Variants in GSDME observed in about 807,000 individuals in gnomAD.
GSDME encodes the protein gasdermin-E.
In GSDME, 44 loss-of-function variants were observed where a neutral mutation model predicts 47.5. The ratio of observed to expected loss-of-function variants is 0.93; its 90% CI spans 0.73 to 1.19. GSDME has a LOEUF of 1.19. Among genes scored for constraint, GSDME ranks in the 50% most tolerant of loss-of-function variants. GSDME has a pLI of 0.00. For synonymous variants in GSDME, 258 were observed against 252.8 expected (o/e 1.02, Z -0.20); for missense variants, 663 against 604.2 (o/e 1.10, Z -1.02).
At chr7:24,789,480 G>C in the GSDME span, among the ~76,000 whole-genome samples, 4 of 152,192 alleles carry the variant, frequency 2.6e-5, no homozygotes, top group South Asian at 4.1e-4. Context: ...AAGCAAGCAA[G>C]GGGTACATGA....
At chr7:24,701,888 C>T (rs1286889631) in intron 9 of GSDME, among the ~76,000 whole-genome samples, 1 of 152,180 alleles carries the variant, frequency 6.6e-6, no homozygotes, top group Non-Finnish European at 1.5e-5. Context: ...ACAAAGGCAC[C>T]AACCACATTA....
chr7:24,722,927 G>A (rs947720379), intron 3 of GSDME, among the ~76,000 whole-genome samples: 86 of 152,326 alleles, frequency 5.6e-4, no homozygotes, highest in African/African-American at 2.0e-3. Flanking sequence ...CGCAGGAACA[G>A]AAGCTCGCCC....
intron 3 of GSDME, among the ~76,000 whole-genome samples, chr7:24,722,368 A>G (rs1230444571): frequency 6.6e-6 from 1 of 152,248 alleles, no homozygotes; most frequent in African/African-American, 2.4e-5. Flanking sequence ...AAGGGATTGC[A>G]TGTCTTGGTC....
At position 24,748,159 on chromosome 7, in the gene GSDME, TATA is replaced by T. The variant is rs1374783824; in HGVS notation, c.211+1402_211+1404del. Among the ~76,000 whole-genome samples, 710 of 118,468 alleles carry T rather than the reference TATA, an allele frequency of 6.0e-3. 5 individuals are homozygous for T. The highest frequency in any genetic ancestry group is 0.022 in the African/African-American group (640 of 28,964). The allele number at this position is 118,468 out of a possible 152,430, so 77.7% of individuals were successfully genotyped here. A position where few individuals can be genotyped will look rare whatever the true frequency, so the allele number is the denominator to read the frequency against. On this transcript the variant is annotated intron_variant, in intron 2 of 9. Transcript: ENST00000645220. ...ATTATATAGAGTATATATATATATATATATATATATTTTTTTTTGAGATGGAAT... is the reference window on the plus strand; with the variant it reads ...ATTATATAGAGTATATATATATATATTATATATTTTTTTTTGAGATGGAAT...
At chr7:24,788,595 G>A in the GSDME span, among the ~76,000 whole-genome samples, 1 of 152,156 alleles carries the variant, frequency 6.6e-6, no homozygotes, top group Admixed American at 6.5e-5. The surrounding 1 kb of genome is among the most constrained non-coding windows in gnomAD (Gnocchi z 4.6). Context: ...TCATCTAAGG[G>A]GACAGTGATG....
chr7:24,710,220 A>G lies in GSDME; in HGVS notation c.862+4T>C. On this transcript the variant is annotated splice_donor_region_variant and intron_variant, in intron 6 of 9. Transcript: ENST00000645220. ...GCCCACTACTCCTGCCCTGCTGGCA[A>G]TACCTTGCTTTAAAACACTTAATGG... The G allele has an allele frequency of 6.2e-7, 1 of 1,613,562 alleles. No homozygotes were observed.
chr7:24,768,396 T>A, the GSDME span, among the ~76,000 whole-genome samples: 1 of 152,098 alleles, frequency 6.6e-6, no homozygotes, highest in Non-Finnish European at 1.5e-5. This position sits in a 1 kb window ranked among gnomAD's most constrained non-coding sequence, Gnocchi z 5.6. Context: ...GGAACTGAGA[T>A]TGTAAAGATC....
chr7:24,759,436 AG>A (rs1584118549), upstream of GSDME, among the ~76,000 whole-genome samples: 1 of 152,012 alleles, frequency 6.6e-6, no homozygotes, highest in African/African-American at 2.4e-5. Context: ...TAAATGCCCG[AG>A]GAAGATAGTA....
the GSDME span, among the ~76,000 whole-genome samples, chr7:24,789,894 T>C: frequency 2.0e-5 from 3 of 152,238 alleles, no homozygotes; most frequent in East Asian, 5.8e-4. Flanking sequence ...ATGAAGGTTT[T>C]TTATCATTTG....
chr7:24,758,593 A>G (rs1791111332), upstream of GSDME, among the ~76,000 whole-genome samples: 1 of 152,194 alleles, frequency 6.6e-6, no homozygotes, highest in Admixed American at 6.5e-5. This position sits in a 1 kb window ranked among gnomAD's most constrained non-coding sequence, Gnocchi z 4.6. Flanking sequence ...TGGCTGTCTT[A>G]AAGGCTGTTC....
the GSDME span, among the ~76,000 whole-genome samples, chr7:24,779,771 C>T: frequency 7.6e-3 from 1,155 of 152,296 alleles, 21 homozygotes; most frequent in African/African-American, 0.026. This position sits in a 1 kb window ranked among gnomAD's most constrained non-coding sequence, Gnocchi z 6.0. Flanking sequence ...CTCAGGCTCG[C>T]CCCTTCTTGG....
chr7:24,755,247 T>C (rs1002018165), intron 1 of GSDME, among the ~76,000 whole-genome samples: 1 of 152,234 alleles, frequency 6.6e-6, no homozygotes, highest in Non-Finnish European at 1.5e-5. Flanking sequence ...TCTGTAATCA[T>C]GCCTGAACAC....
At position 24,742,236 on chromosome 7, in the gene GSDME, A is replaced by G. The variant is rs1162641812; in HGVS notation, c.404+2326T>C. Among the ~76,000 whole-genome samples the G allele has an allele frequency of 6.6e-6, 1 of 152,178 alleles. No homozygotes were observed. The highest frequency in any genetic ancestry group is 1.9e-4 in the East Asian group (1 of 5,190). Reference sequence around the variant, plus strand: ...TAACATTCTGTGCTATCATTTTAAGACTTTTACATGATTTAGAGGAAAGAA... The same window carrying G: ...TAACATTCTGTGCTATCATTTTAAGGCTTTTACATGATTTAGAGGAAAGAA... On this transcript the variant is annotated intron_variant, in intron 3 of 9. Transcript: ENST00000645220. The surrounding 1 kb of genome is among the most constrained non-coding windows in gnomAD (Gnocchi z 4.4).
chr7:24,703,122 G>A (rs543199282), intron 8 of GSDME: 13 of 373,824 alleles, frequency 3.5e-5, no homozygotes, highest in East Asian at 1.4e-4. Flanking sequence ...GGAAGGAAAG[G>A]AAACAGCATG....
chr7:24,725,184 G>A lies in GSDME; in HGVS notation c.405-5966C>T, dbSNP rs892406554. On this transcript the variant is annotated intron_variant, in intron 3 of 9. Transcript: ENST00000645220. The surrounding 1 kb of genome is among the most constrained non-coding windows in gnomAD (Gnocchi z 5.1). ...TCAATCTCCTCCTAGCTGAGCTACT[G>A]CTCCAGTCCTGAAGCTTAGTTTGCA... Among the ~76,000 whole-genome samples, 1 of 152,190 alleles carries A rather than the reference G, an allele frequency of 6.6e-6. No individual in the cohort carries two copies. Among genetic ancestry groups the A allele is most frequent in the East Asian group, 1.9e-4 (1 of 5,192 alleles).
At chr7:24,703,327 A>G (rs373497644) in intron 8 of GSDME, 1 of 261,650 alleles carries the variant, frequency 3.8e-6, no homozygotes, top group African/African-American at 2.2e-5. Context: ...TGGGGAGGAA[A>G]ATGCAGTGTA....
In GSDME at chr7:24,756,024, A is replaced by G. The variant is rs3801802; in HGVS notation, c.-20+1372T>C. 0.012 allele frequency among the ~76,000 whole-genome samples: 1,773 copies of G among 152,360 alleles called. 93 individuals carry two copies. In the East Asian group the frequency reaches 0.18, roughly 15 times the overall value. ...GCATCTTTTATCTTCCTATCCCTAC[A>G]GCCCAGTACCTGAGCTCATTTTTAA... is the stretch of plus-strand genomic sequence containing the variant. On this transcript the variant is annotated intron_variant, in intron 1 of 9. Coordinates refer to ENST00000645220, the MANE Select transcript of GSDME (RefSeq NM_001127453.2). The surrounding 1 kb of genome is among the most constrained non-coding windows in gnomAD (Gnocchi z 4.2).
At chr7:24,734,804 A>G (rs566916920) in intron 3 of GSDME, among the ~76,000 whole-genome samples, 6 of 150,246 alleles carry the variant, frequency 4.0e-5, no homozygotes, top group African/African-American at 1.4e-4. Flanking sequence ...AAGACATAGA[A>G]AATAGTTTCA....
the GSDME span, among the ~76,000 whole-genome samples, chr7:24,794,514 G>GT: frequency 1.3e-5 from 2 of 152,220 alleles, no homozygotes; most frequent in Non-Finnish European, 1.5e-5. Flanking sequence ...CTGCAACCAC[G>GT]TATCTATGTA....
Sources: gnomAD v4.1 joint callset for allele counts (sites outside exome capture counted in the v4.1 genomes callset) on GRCh38, gnomAD v4.1.1 for gene constraint, Gnocchi (gnomAD v3.1) non-coding constraint, MANE v1.5 for transcripts, NCBI Gene and HGNC (gene_info 2026-07-23, HGNC 2026-07-21) for gene names.